The following TEX14 variants were observed in gnomAD, a reference collection of about 807,000 sequenced individuals.
The protein encoded by TEX14 is testis expressed 14, intercellular bridge forming factor.
A neutral mutation model predicts 178.6 loss-of-function variants in TEX14; 168 were observed. The ratio of observed to expected loss-of-function variants is 0.94; its 90% CI spans 0.83 to 1.07. TEX14 has a LOEUF of 1.07. Among genes scored for constraint, TEX14 ranks in the 50% least tolerant of loss-of-function variants. TEX14 has a pLI of 0.00. For synonymous variants in TEX14, 626 were observed against 634.1 expected (o/e 0.99, Z 0.19); for missense variants, 1,730 against 1,753.6 (o/e 0.99, Z 0.24).
At chr17:58,595,124 T>A (rs2045249410) in intron 14 of TEX14, among the ~76,000 whole-genome samples, 1 of 152,150 alleles carries the variant, frequency 6.6e-6, no homozygotes, top group Non-Finnish European at 1.5e-5. Flanking sequence ...GGTTAGAATA[T>A]GTTTAGAATA....
At chr17:58,667,600 G>C (rs1027622419) in intron 1 of TEX14, among the ~76,000 whole-genome samples, 2 of 152,160 alleles carry the variant, frequency 1.3e-5, no homozygotes, top group Admixed American at 1.3e-4. Flanking sequence ...AAGATTCTTT[G>C]CTGGCCGGGT....
At position 58,615,664 on chromosome 17, in the gene TEX14, TAGG is replaced by T. The variant is rs142075322; in HGVS notation, c.768-322_768-320del. 9.5e-4 allele frequency among the ~76,000 whole-genome samples: 144 copies of T among 152,142 alleles called. No homozygotes were observed. In the Middle Eastern group the frequency reaches 0.01, roughly 11 times the overall value. On this transcript the variant is annotated intron_variant, in intron 7 of 31. Coordinates refer to ENST00000349033, the MANE Select transcript of TEX14 (RefSeq NM_031272.5). The stretch of plus-strand genomic sequence containing the variant: ...GTGGTCCAGAGAATGGGAAGCCAGT[TAGG>T]AGACCACCCCAGGTGAGGGATGGTG...
At chr17:58,581,881 TGC>T in intron 19 of TEX14, 1 of 804,452 alleles carries the variant, frequency 1.2e-6, no homozygotes, top group East Asian at 2.7e-5. Flanking sequence ...TTTGTGCATG[TGC>T]CTCTGCCTTC....
At chr17:58,601,285 G>A (rs1235669598) in intron 13 of TEX14, among the ~76,000 whole-genome samples, 2 of 152,032 alleles carry the variant, frequency 1.3e-5, no homozygotes, top group Non-Finnish European at 2.9e-5. Flanking sequence ...CACTTTGGGA[G>A]GCCAAGGCGG....
At chr17:58,626,200 G>T (rs1348975568) in intron 3 of TEX14, among the ~76,000 whole-genome samples, 1 of 152,128 alleles carries the variant, frequency 6.6e-6, no homozygotes. Context: ...CCAGTTACTT[G>T]GTCCAGTAGG....
rs2044616589 is a variant in TEX14 at position 58,574,209 on chromosome 17, T to C, written c.3361A>G (p.Lys1121Glu). Residue 1121 changes from lysine to glutamate, a missense_variant, in exon 22 of 32, where the codon AAG (lysine) becomes GAG (glutamate). Transcript: ENST00000349033. ...EQEETSKESP[K>E]ELKEKDISLT... ...TACATGTCTTTCTCTTTCAGTTCCT[T>C]TGGTGACTCCTTTGATGTCTCTTCT... is the stretch of plus-strand genomic sequence containing the variant. The C allele has an allele frequency of 6.2e-7, 1 of 1,613,560 alleles. No homozygotes were observed.
chr17:58,611,364 C>CG, intron 9 of TEX14, 25 bp from the exon 10 acceptor site: 1 of 1,557,196 alleles, frequency 6.4e-7, no homozygotes. Flanking sequence ...TGAAATGCCA[C>CG]GAAAAAAAAA....
In TEX14 at chr17:58,557,782, A is replaced by C; in HGVS notation, c.4319+17T>G. The C allele has an allele frequency of 6.2e-7, 1 of 1,605,494 alleles. No individual in the cohort carries two copies. The highest frequency in any genetic ancestry group is 8.5e-7 in the Non-Finnish European group (1 of 1,174,278). On this transcript the variant is annotated intron_variant, in intron 31 of 31. Transcript: ENST00000349033. ...TAAACATGACTTTTGATCTACAAAC[A>C]TCTGATATTTCATTACCTGGATGAT...
chr17:58,654,750 G>A (rs1171145885), intron 1 of TEX14, among the ~76,000 whole-genome samples: 2 of 151,768 alleles, frequency 1.3e-5, no homozygotes, highest in African/African-American at 4.8e-5. Context: ...CAGGTGATCT[G>A]CCCACCTTGG....
chr17:58,684,626 G>A (rs1292145282), intron 1 of TEX14, among the ~76,000 whole-genome samples: 1 of 138,958 alleles, frequency 7.2e-6, no homozygotes, highest in Non-Finnish European at 1.5e-5. Context: ...GTGAGACCCT[G>A]TCTCAAATAA....
chr17:58,597,971 G>A (rs561453767), intron 14 of TEX14, among the ~76,000 whole-genome samples: 1 of 152,176 alleles, frequency 6.6e-6, no homozygotes, highest in East Asian at 1.9e-4. Context: ...GTCCCCAGCT[G>A]TTATCTGAGC....
chr17:58,652,267 C>T (rs752857261), intron 1 of TEX14, among the ~76,000 whole-genome samples: 4 of 152,050 alleles, frequency 2.6e-5, no homozygotes, highest in Non-Finnish European at 2.9e-5. Context: ...TATGGTTTGG[C>T]TCCATGTCCC....
At chr17:58,646,974 C>T (rs1274323002) in intron 2 of TEX14, among the ~76,000 whole-genome samples, 1 of 151,406 alleles carries the variant, frequency 6.6e-6, no homozygotes, top group African/African-American at 2.4e-5. Context: ...GGCACCATCT[C>T]GGCTCACTGC....
intron 1 of TEX14, among the ~76,000 whole-genome samples, chr17:58,684,014 G>A (rs1468503050): frequency 2.6e-5 from 4 of 152,140 alleles, no homozygotes; most frequent in Non-Finnish European, 5.9e-5. Flanking sequence ...GCAGTGAGCC[G>A]AGATGGTGCC....
At chr17:58,672,716 C>A (rs116641336) in intron 1 of TEX14, among the ~76,000 whole-genome samples, 2,813 of 150,642 alleles carry the variant, frequency 0.019, 67 homozygotes, top group African/African-American at 0.063. Context: ...GCCACCATAC[C>A]CAGTCGGCAT....
chr17:58,641,482 C>T (rs1377898961), intron 2 of TEX14, among the ~76,000 whole-genome samples: 4 of 103,714 alleles, frequency 3.9e-5, no homozygotes, highest in African/African-American at 4.2e-5. Context: ...CTTTCTTTCT[C>T]TTTTATTTAT....
rs572528329 is a variant in TEX14 at position 58,599,617 on chromosome 17, T to A, written c.1728A>T (p.Thr576=). ...PRVHSLFTEG[T]LDPQAPDPCL... ...ATGGATCTGGGGCCTGAGGATCTAG[T>A]GTCCCCTCAGTGAATAAAGAGTGAA... The change falls in exon 14 of 32, where the codon ACA becomes ACT. Residue 576 remains threonine (T), a synonymous_variant. Transcript: ENST00000349033. 1 of 1,613,916 alleles carries A rather than the reference T, an allele frequency of 6.2e-7. No homozygotes were observed. Among genetic ancestry groups the A allele is most frequent in the Admixed American group, 1.7e-5 (1 of 59,986 alleles).
rs1028342486 is a variant in TEX14 at position 58,557,862 on chromosome 17, A to G, written c.4268-12T>C. 4 of 1,608,728 alleles carry G rather than the reference A, an allele frequency of 2.5e-6. No individual in the cohort carries two copies. Among genetic ancestry groups the G allele is most frequent in the African/African-American group, 2.7e-5 (2 of 74,816 alleles). On this transcript the variant is annotated splice_polypyrimidine_tract_variant and intron_variant, in intron 30 of 31. Coordinates refer to ENST00000349033, the MANE Select transcript of TEX14 (RefSeq NM_031272.5). ...GGATTTTAGTTCATCTTGATGAAAT[A>G]TAAGAGGAAGGAAAAAACAACATGA...
intron 1 of TEX14, among the ~76,000 whole-genome samples, chr17:58,652,644 T>G (rs767796150): frequency 6.6e-6 from 1 of 152,212 alleles, no homozygotes; most frequent in African/African-American, 2.4e-5. Flanking sequence ...TATTTGTCAC[T>G]AATTCCCAGG....
Sources: gnomAD v4.1 joint callset for allele counts (sites outside exome capture counted in the v4.1 genomes callset) on GRCh38, gnomAD v4.1.1 for gene constraint, MANE v1.5 for transcripts, NCBI Gene and HGNC (gene_info 2026-07-23, HGNC 2026-07-21) for gene names.